Variants in PTPRA observed in about 807,000 individuals in gnomAD.
PTPRA encodes the protein receptor-type tyrosine-protein phosphatase alpha.
A neutral mutation model predicts 104.8 loss-of-function variants in PTPRA; 25 were observed. The ratio of observed to expected loss-of-function variants is 0.24; its 90% confidence interval spans 0.17 to 0.33. PTPRA has a LOEUF of 0.33. Among genes scored for constraint, PTPRA ranks in the 10% least tolerant of loss-of-function variants. The pLI, the probability that PTPRA is intolerant of heterozygous loss-of-function variation, is 1.00. For missense variants in PTPRA, 765 were observed against 1,015.3 expected (o/e 0.75, Z 3.35); for synonymous variants, 323 against 368.9 (o/e 0.88, Z 1.43).
At chr20:3,027,039 C>T in intron 18 of PTPRA, 82 bp from the exon 19 acceptor site, 5 of 1,394,154 alleles carry the variant, frequency 3.6e-6, no homozygotes, top group Non-Finnish European at 5.0e-6. Context: ...TCTGTCTGCC[C>T]AGGGCCTGAG....
At chr20:2,910,589 G>GTTTTTTTTTTTTTTTTTTTTTATTTTTTT (rs1423909050) in intron 1 of PTPRA, among the ~76,000 whole-genome samples, 1 of 57,984 alleles carries the variant, frequency 1.7e-5, no homozygotes, top group Non-Finnish European at 2.9e-5. Context: ...TTTTTTTTTT[G>GTTTTTTTTTTTTTTTTTTTTTATTTTTTT]TTTTTTTTTT....
chr20:2,898,388 A>G (rs186434681), intron 1 of PTPRA, among the ~76,000 whole-genome samples: 54 of 151,012 alleles, frequency 3.6e-4, no homozygotes, highest in Admixed American at 9.9e-4. Context: ...CAATTTTTCT[A>G]TTTTTAGTGG....
At chr20:2,866,340 T>C in the PTPRA span, 2 of 1,613,980 alleles carry the variant, frequency 1.2e-6, no homozygotes, top group African/African-American at 1.3e-5. Context: ...GGCCTGTGGG[T>C]GCTGGGTGGC....
At chr20:2,911,960 A>G (rs767948662) in intron 1 of PTPRA, among the ~76,000 whole-genome samples, 2 of 152,170 alleles carry the variant, frequency 1.3e-5, no homozygotes, top group Non-Finnish European at 2.9e-5. Flanking sequence ...AGAAATTAGA[A>G]GGCCGGGCAT....
intron 12 of PTPRA, among the ~76,000 whole-genome samples, chr20:3,016,625 A>G (rs1264481689): frequency 3.3e-5 from 5 of 152,186 alleles, no homozygotes; most frequent in African/African-American, 1.2e-4. Context: ...CTGTGATCCC[A>G]GCTACTTGGG....
At chr20:2,991,668 G>A (rs147775653) in intron 9 of PTPRA, among the ~76,000 whole-genome samples, 2 of 152,284 alleles carry the variant, frequency 1.3e-5, no homozygotes, top group East Asian at 3.9e-4. Flanking sequence ...CTGGAGGCAT[G>A]ACAGGTAAAT....
chr20:2,914,356 C>G (rs2059822550), intron 1 of PTPRA, among the ~76,000 whole-genome samples: 1 of 152,108 alleles, frequency 6.6e-6, no homozygotes, highest in Non-Finnish European at 1.5e-5. Flanking sequence ...CCTAGACTTT[C>G]TCAGCAGACA....
Position 3,027,817 on chromosome 20 carries a change from A to C in PTPRA, c.1896A>C (p.Leu632=). 1 of 1,614,126 alleles carries C rather than the reference A, an allele frequency of 6.2e-7. No individual in the cohort carries two copies. The highest frequency in any genetic ancestry group is 8.5e-7 in the Non-Finnish European group (1 of 1,180,006). The change falls in exon 20 of 24, where the codon CTA becomes CTC. Residue 632 remains leucine, a synonymous_variant. Coordinates refer to ENST00000399903, the MANE Select transcript of PTPRA (RefSeq NM_001385305.1). The part of the protein sequence containing the change: ...WEWKSCSIVM[L]TELEERGQEK... ...GGAAATCCTGCTCTATCGTGATGCT[A>C]ACAGAACTGGAGGAGAGAGGCCAGG...
rs540880296 is a variant in PTPRA at position 2,978,072 on chromosome 20, G to A, written c.442+2831G>A. ...AAGTCATGTGTTTGAGGATCTGTGC[G>A]CAGTTGACATGTGTGAGGTGTGGGG... On this transcript the variant is annotated intron_variant, in intron 6 of 23. Transcript: ENST00000399903. 1.2e-4 allele frequency among the ~76,000 whole-genome samples: 18 copies of A among 152,248 alleles called. No individual in the cohort carries two copies. In the East Asian group the frequency reaches 2.3e-3, roughly 20 times the overall value.
chr20:2,984,205 A>G (rs962440), intron 6 of PTPRA, among the ~76,000 whole-genome samples: 88,221 of 151,904 alleles, frequency 0.58, 25,979 homozygotes, highest in East Asian at 0.79. Flanking sequence ...CTCTAAAAAC[A>G]AAACCAAAAA....
rs2065909492 is a variant in PTPRA at position 3,038,580 on chromosome 20, C to T, written c.*447C>T. 1 of 179,876 alleles carries T rather than the reference C, an allele frequency of 5.6e-6. No homozygotes were observed. Among genetic ancestry groups the T allele is most frequent in the Non-Finnish European group, 1.2e-5 (1 of 85,486 alleles). 11.1% of individuals were successfully genotyped at this position (179,876 alleles called of 1,614,324 possible). The stretch of plus-strand genomic sequence containing the variant: ...TCCCTGGTCCCCTCCCCCATCCCCA[C>T]CACTGATATCATGGGGAGTAATAGG... On this transcript the variant is annotated 3_prime_UTR_variant, in exon 24 of 24. Coordinates refer to ENST00000399903, the MANE Select transcript of PTPRA (RefSeq NM_001385305.1).
intron 2 of PTPRA, among the ~76,000 whole-genome samples, chr20:2,939,627 T>C (rs1035965955): frequency 1.3e-5 from 2 of 152,216 alleles, no homozygotes; most frequent in African/African-American, 2.4e-5. Context: ...ATCTTTCAGA[T>C]TGTGGCTTCA....
intron 3 of PTPRA, among the ~76,000 whole-genome samples, chr20:2,949,541 T>C (rs187848859): frequency 1.9e-3 from 294 of 152,170 alleles, no homozygotes; most frequent in South Asian, 6.0e-3. Flanking sequence ...AATCCTCCCA[T>C]CTCAGCCTCC....
chr20:3,009,551 G>A (rs903684052), intron 11 of PTPRA, among the ~76,000 whole-genome samples: 1 of 152,128 alleles, frequency 6.6e-6, no homozygotes, highest in African/African-American at 2.4e-5. Flanking sequence ...GGGGCAGTCC[G>A]GGCATTCTCA....
At chr20:2,971,542 T>G (rs1446819027) in intron 5 of PTPRA, among the ~76,000 whole-genome samples, 1 of 152,222 alleles carries the variant, frequency 6.6e-6, no homozygotes, top group East Asian at 1.9e-4. Flanking sequence ...TTTCTTTTTC[T>G]TCTGTTTAAT....
chr20:2,888,603 A>G (rs2058686176), intron 1 of PTPRA, among the ~76,000 whole-genome samples: 1 of 152,116 alleles, frequency 6.6e-6, no homozygotes, highest in Non-Finnish European at 1.5e-5. Flanking sequence ...GTTTGTCTCA[A>G]AATTTTGCTT....
intron 1 of PTPRA, among the ~76,000 whole-genome samples, chr20:2,885,062 A>C (rs954015007): frequency 6.6e-6 from 1 of 152,132 alleles, no homozygotes; most frequent in Non-Finnish European, 1.5e-5. Flanking sequence ...CGGCCTCCCA[A>C]AGTGCTGGGA....
chr20:2,905,544 AAGT>A (rs774003048), intron 1 of PTPRA, among the ~76,000 whole-genome samples: 54 of 152,268 alleles, frequency 3.5e-4, no homozygotes, highest in Admixed American at 6.5e-4. Context: ...TGACTGCAAA[AAGT>A]AGTTGTTTTT....
chr20:2,924,022 T>A (rs752271349), intron 2 of PTPRA, among the ~76,000 whole-genome samples: 13 of 152,214 alleles, frequency 8.5e-5, no homozygotes, highest in Non-Finnish European at 1.5e-4. Flanking sequence ...AATATATGTC[T>A]ACACAAAAGT....
Sources: gnomAD v4.1 joint callset for allele counts (sites outside exome capture counted in the v4.1 genomes callset) on GRCh38, gnomAD v4.1.1 for gene constraint, MANE v1.5 for transcripts, NCBI Gene and HGNC (gene_info 2026-07-23, HGNC 2026-07-21) for gene names.